The following ATP1A2 variants were observed in gnomAD, a reference collection of about 807,000 sequenced individuals.
ATP1A2 encodes the protein sodium/potassium-transporting ATPase subunit alpha-2.
A neutral mutation model predicts 113.1 loss-of-function variants in ATP1A2; 56 were observed. The ratio of observed to expected loss-of-function variants is 0.49; its 90% CI spans 0.40 to 0.62. The LOEUF (loss-of-function observed/expected upper bound fraction) is 0.62, where lower values mean the gene tolerates loss of function less well. Ranked by LOEUF, ATP1A2 falls within the 20% of genes least tolerant of loss-of-function variation. ATP1A2 has a pLI of 0.00. For synonymous variants in ATP1A2, 490 were observed against 526.8 expected (o/e 0.93, Z 0.96); for missense variants, 712 against 1,357.8 (o/e 0.52, Z 7.47).
At chr1:160,131,374 G>T (rs1449499371) in intron 13 of ATP1A2, among the ~76,000 whole-genome samples, 1 of 152,130 alleles carries the variant, frequency 6.6e-6, no homozygotes, top group Non-Finnish European at 1.5e-5. Context: ...ACATGCCAAG[G>T]CCACACAGCT....
rs903248761 is a variant in ATP1A2, at chr1:160,141,482, T to C, written c.*160T>C. 1 of 884,370 alleles carries C rather than the reference T, an allele frequency of 1.1e-6. No homozygotes were observed. The highest frequency in any genetic ancestry group is 1.8e-6 in the Non-Finnish European group (1 of 542,616). 54.8% of individuals were successfully genotyped at this position (884,370 alleles called of 1,614,324 possible). A position where few individuals can be genotyped will look rare whatever the true frequency, so the allele number is the denominator to read the frequency against. ...CAGGCTAAGTTGCGGGGTATATAAA[T>C]TGGGGTGATGACCCCATAGACCTAA... On this transcript the variant is annotated 3_prime_UTR_variant, in exon 23 of 23. Transcript: ENST00000361216.
intron 7 of ATP1A2, among the ~76,000 whole-genome samples, chr1:160,126,682 G>A (rs1408413392): frequency 1.3e-5 from 2 of 151,888 alleles, no homozygotes; most frequent in African/African-American, 4.8e-5. Flanking sequence ...TGTTACCCAG[G>A]CTGGCCTCAA....
rs1023421 is a variant in ATP1A2, at chr1:160,124,854, A to G, written c.631-282A>G. Reference sequence around the variant, plus strand: ...TAGTGTCTCCCCCTGTGGTTGTGCAAGGCAGAGATTCTGTTTACATTCACC... The same window carrying G: ...TAGTGTCTCCCCCTGTGGTTGTGCAGGGCAGAGATTCTGTTTACATTCACC... On this transcript the variant is annotated intron_variant, in intron 6 of 22. Transcript: ENST00000361216. 0.57 allele frequency among the ~76,000 whole-genome samples: 86,921 copies of G among 152,078 alleles called. 25,494 individuals are homozygous for G. The highest frequency in any genetic ancestry group is 0.74 in the South Asian group (3,543 of 4,814).
chr1:160,140,043 C>T, intron 22 of ATP1A2, 59 bp downstream of exon 22: 1 of 1,524,932 alleles, frequency 6.6e-7, no homozygotes, highest in Non-Finnish European at 9.1e-7. Flanking sequence ...CTCCTCCCTC[C>T]AGGACCACAC....
intron 11 of ATP1A2, 37 bp downstream of exon 11, chr1:160,129,437 G>A (rs763226480): frequency 2.5e-6 from 4 of 1,605,916 alleles, no homozygotes; most frequent in African/African-American, 2.7e-5. Context: ...AAGAGAGAGG[G>A]ATATAAATGG....
At position 160,134,520 on chromosome 1, in the gene ATP1A2, A is replaced by G. The variant is rs1268588335; in HGVS notation, c.1864A>G (p.Lys622Glu). ...MVTGDHPITA[K>E]AIAKGVGIIS... is the part of the protein sequence containing the mutation. ...AACCGGGGATCACCCTATCACAGCC[A>G]AGGCCATTGCCAAAGGCGTGGGCAT... is the stretch of plus-strand genomic sequence containing the variant. The change falls in exon 14 of 23, where the codon AAG (lysine) becomes GAG (glutamate). Residue 622 changes from lysine to glutamate, a missense_variant. Around this residue, in one of 6 missense-constraint regions of ATP1A2, gnomAD observed 263 missense variants for 380.6 expected, o/e 0.69. Coordinates refer to ENST00000361216, the MANE Select transcript of ATP1A2 (RefSeq NM_000702.4). 1 of 1,614,194 alleles carries G rather than the reference A, an allele frequency of 6.2e-7. No individual in the cohort carries two copies. The highest frequency in any genetic ancestry group is 1.1e-5 in the South Asian group (1 of 91,090).
At chr1:160,140,108 C>CTGAGGGTG in intron 22 of ATP1A2, 124 bp downstream of exon 22, 1 of 1,012,266 alleles carries the variant, frequency 9.9e-7, no homozygotes, top group Non-Finnish European at 1.5e-6. Flanking sequence ...ACCCTCAGAT[C>CTGAGGGTG]CTGGGGTCCC....
chr1:160,136,394 G>A lies in ATP1A2; in HGVS notation c.2563+24G>A, dbSNP rs117715545. 422 of 1,613,682 alleles carry A rather than the reference G, an allele frequency of 2.6e-4. 2 individuals carry two copies. In the East Asian group the frequency reaches 8.1e-3, roughly 31 times the overall value. ...CGGTGCGCCAAGCCCCGGGCCTCGG[G>A]AGGGAACCCCAACAGGGTTCTTTTC... On this transcript the variant is annotated intron_variant, in intron 18 of 22. Coordinates refer to ENST00000361216, the MANE Select transcript of ATP1A2 (RefSeq NM_000702.4).
intron 13 of ATP1A2, among the ~76,000 whole-genome samples, chr1:160,134,274 A>T (rs1570993047): frequency 7.3e-6 from 1 of 136,396 alleles, no homozygotes; most frequent in South Asian, 2.4e-4. Flanking sequence ...ACATACACAC[A>T]CCCCACACAC....
chr1:160,128,950 C>A (rs373704478), intron 9 of ATP1A2, 30 bp from the exon 10 acceptor site: 19 of 1,594,046 alleles, frequency 1.2e-5, no homozygotes, highest in Non-Finnish European at 1.5e-5. Flanking sequence ...AAGGGAGCCA[C>A]GCTCCTGGTT....
rs1307766434 is a variant in ATP1A2 at position 160,141,827 on chromosome 1, CA to C, written c.*507del. 4 of 175,884 alleles carry C rather than the reference CA, an allele frequency of 2.3e-5. No individual in the cohort carries two copies. Among genetic ancestry groups the C allele is most frequent in the African/African-American group, 9.4e-5 (4 of 42,508 alleles). 10.9% of individuals were successfully genotyped at this position (175,884 alleles called of 1,614,324 possible). On this transcript the variant is annotated 3_prime_UTR_variant, in exon 23 of 23. Coordinates refer to ENST00000361216, the MANE Select transcript of ATP1A2 (RefSeq NM_000702.4). ...TCACAAAAGGTTCTTCTGGTGAGTG[CA>C]AGAGCCTGAGACTGGAAAAGGTGGA... is the stretch of plus-strand genomic sequence containing the variant.
chr1:160,129,351 GA>G lies in ATP1A2; in HGVS notation c.1415del (p.Asn472ThrfsTer32). On this transcript the variant is annotated frameshift_variant, in exon 11 of 23. Transcript: ENST00000361216. LOFTEE classifies it high-confidence loss of function. ...GGCTCAGTGAGGAAAATGAGAGACA[GA>G]AACCCCAAGGTGGCAGAGATTCCTT... ...SCGSVRKMRD[R>X]NPKVAEIPFN... 1 of 1,614,166 alleles carries G rather than the reference GA, an allele frequency of 6.2e-7. No homozygotes were observed. The highest frequency in any genetic ancestry group is 8.5e-7 in the Non-Finnish European group (1 of 1,180,042).
At chr1:160,116,088 C>T (rs1323596118) in intron 1 of ATP1A2, among the ~76,000 whole-genome samples, 1 of 152,068 alleles carries the variant, frequency 6.6e-6, no homozygotes, top group Admixed American at 6.5e-5. Context: ...ACGCCCCAGC[C>T]CCCTGCCCAC....
chr1:160,129,972 A>C, intron 11 of ATP1A2, 130 bp from the exon 12 acceptor site: 2 of 1,194,744 alleles, frequency 1.7e-6, no homozygotes, highest in South Asian at 1.3e-5. Context: ...GCACAAGGAG[A>C]TTCTCTTTGT....
chr1:160,128,124 C>T (rs929715063), intron 8 of ATP1A2, among the ~76,000 whole-genome samples: 3 of 152,240 alleles, frequency 2.0e-5, no homozygotes, highest in Admixed American at 1.3e-4. Flanking sequence ...CAAAGGTCAC[C>T]AGTCACTAAC....
intron 4 of ATP1A2, among the ~76,000 whole-genome samples, chr1:160,123,624 A>G (rs908398340): frequency 6.6e-6 from 1 of 152,204 alleles, no homozygotes; most frequent in Non-Finnish European, 1.5e-5. Context: ...CATACTCATT[A>G]ATTAATGAAA....
chr1:160,141,337 G>A lies in ATP1A2; in HGVS notation c.*15G>A, dbSNP rs187737212. 384 of 1,614,000 alleles carry A rather than the reference G, an allele frequency of 2.4e-4. 2 individuals carry two copies. In the East Asian group the frequency reaches 7.5e-3, roughly 31 times the overall value. On this transcript the variant is annotated 3_prime_UTR_variant, in exon 23 of 23. Coordinates refer to ENST00000361216, the MANE Select transcript of ATP1A2 (RefSeq NM_000702.4). ...CATACTACTGACCCCATTGGAAGAA[G>A]AACCAGGCATGGAAAGATGGGGAGC... is the stretch of plus-strand genomic sequence containing the variant.
At chr1:160,136,105 G>A in intron 17 of ATP1A2, 112 bp downstream of exon 17, 1 of 1,601,736 alleles carries the variant, frequency 6.2e-7, no homozygotes. Flanking sequence ...ACAGGAGACA[G>A]GCACAGGCCT....
chr1:160,137,353 C>T (rs1048205651), intron 20 of ATP1A2, among the ~76,000 whole-genome samples: 1 of 152,042 alleles, frequency 6.6e-6, no homozygotes, highest in South Asian at 2.1e-4. Flanking sequence ...CTGTGCCCAC[C>T]CCTCCCCTGG....
Sources: gnomAD v4.1 joint callset for allele counts (sites outside exome capture counted in the v4.1 genomes callset) on GRCh38, gnomAD v4.1.1 for gene constraint, gnomAD v4.1.1 regional missense constraint, MANE v1.5 for transcripts, NCBI Gene and HGNC (gene_info 2026-07-23, HGNC 2026-07-21) for gene names.